Variants in RBFOX3 observed in about 807,000 individuals in gnomAD.
RBFOX3 encodes the protein RNA binding fox-1 homolog 3.
Under a neutral mutation model 48.7 loss-of-function variants are expected in RBFOX3, and 17 were observed. The observed-to-expected ratio is 0.35, with a 90% CI of 0.24 to 0.52. The LOEUF is 0.52. Among genes scored for constraint, RBFOX3 ranks in the 20% least tolerant of loss-of-function variants. RBFOX3 has a pLI of 0.94. For missense variants in RBFOX3, 382 were observed against 497.5 expected (o/e 0.77, Z 2.21); for synonymous variants, 212 against 209.5 (o/e 1.01, Z -0.10).
chr17:79,532,783 C>T (rs966513444), intron 1 of RBFOX3, among the ~76,000 whole-genome samples: 6 of 152,208 alleles, frequency 3.9e-5, no homozygotes, highest in African/African-American at 9.6e-5. Context: ...CCACAGGGAC[C>T]GATTCCTGCC....
intron 2 of RBFOX3, among the ~76,000 whole-genome samples, chr17:79,397,362 G>A (rs964606812): frequency 1.3e-5 from 2 of 151,832 alleles, no homozygotes; most frequent in South Asian, 2.1e-4. Context: ...GCCTGGTGGC[G>A]CACACCTGTA....
In RBFOX3 at chr17:79,582,017, TGC is replaced by T. The variant is rs2093077566; in HGVS notation, c.-320+28807_-320+28808del. Among the ~76,000 whole-genome samples, 151 of 147,886 alleles carry T rather than the reference TGC, an allele frequency of 1.0e-3. 2 individuals carry two copies. The highest frequency in any genetic ancestry group is 1.5e-3 in the Non-Finnish European group (98 of 67,356). On this transcript the variant is annotated intron_variant, in intron 1 of 14. Transcript: ENST00000693108. ...ACGTGCCTGCCCGTGTATGTGCCTG[TGC>T]GTGCCTGTGCGTGCCTGTGTATGCA...
intron 4 of RBFOX3, among the ~76,000 whole-genome samples, chr17:79,156,455 C>A (rs1048075307): frequency 6.6e-6 from 1 of 152,162 alleles, no homozygotes; most frequent in African/African-American, 2.4e-5. Context: ...CAGGGGAGAA[C>A]CTCGCCTGAG....
At chr17:79,308,959 A>G (rs1205084692) in intron 2 of RBFOX3, among the ~76,000 whole-genome samples, 1 of 152,030 alleles carries the variant, frequency 6.6e-6, no homozygotes, top group African/African-American at 2.4e-5. Context: ...TCTCTACTAA[A>G]AATACAAAAG....
chr17:79,341,565 TG>T (rs1267390160), intron 2 of RBFOX3, among the ~76,000 whole-genome samples: 9 of 152,042 alleles, frequency 5.9e-5, no homozygotes, highest in African/African-American at 2.2e-4. Context: ...TGGCTGGGGC[TG>T]GGGCACGGCT....
chr17:79,177,956 C>A (rs774243568), intron 4 of RBFOX3, among the ~76,000 whole-genome samples: 2 of 152,220 alleles, frequency 1.3e-5, no homozygotes, highest in Admixed American at 6.5e-5. Flanking sequence ...TGGACAGAGA[C>A]GGCCCCCAGG....
At chr17:79,372,119 A>G (rs1213821600) in intron 2 of RBFOX3, among the ~76,000 whole-genome samples, 3 of 152,022 alleles carry the variant, frequency 2.0e-5, no homozygotes, top group Non-Finnish European at 4.4e-5. Flanking sequence ...GACTGTGGCC[A>G]CGGCAGCCCT....
chr17:79,217,677 G>C (rs941530135), intron 4 of RBFOX3, among the ~76,000 whole-genome samples: 2 of 151,954 alleles, frequency 1.3e-5, no homozygotes, highest in Non-Finnish European at 2.9e-5. Flanking sequence ...GGTGGTGACA[G>C]CTAAGCTGCC....
rs146488474 is a variant in RBFOX3 at position 79,436,313 on chromosome 17, C to T, written c.-175+46141G>A. Among the ~76,000 whole-genome samples the T allele has an allele frequency of 1.1e-3, 167 of 152,370 alleles. 1 individual carries two copies. Among genetic ancestry groups the T allele is most frequent in the Admixed American group, 1.4e-3 (21 of 15,308 alleles). ...AGACCAGGGCAGGGGAAGGTCATTCCGAAACACACATGCTTGTGTGTGCAC... is the reference window on the plus strand; with the variant it reads ...AGACCAGGGCAGGGGAAGGTCATTCTGAAACACACATGCTTGTGTGTGCAC... On this transcript the variant is annotated intron_variant, in intron 2 of 14. Transcript: ENST00000693108.
At chr17:79,226,450 G>T (rs2060320701) in intron 4 of RBFOX3, among the ~76,000 whole-genome samples, 2 of 152,218 alleles carry the variant, frequency 1.3e-5, no homozygotes, top group Admixed American at 1.3e-4. Flanking sequence ...TATTCACGGG[G>T]AGGTGGGGAT....
intron 4 of RBFOX3, among the ~76,000 whole-genome samples, chr17:79,196,042 A>C (rs1252201302): frequency 1.3e-5 from 2 of 152,288 alleles, no homozygotes; most frequent in East Asian, 3.9e-4. Flanking sequence ...CTGAAGGCAG[A>C]GGGAAGGAAG....
rs114842504 is a variant in RBFOX3 at position 79,340,528 on chromosome 17, C to T, written c.-174-32704G>A. 8.3e-3 allele frequency among the ~76,000 whole-genome samples: 1,264 copies of T among 152,260 alleles called. 29 individuals carry two copies. Among genetic ancestry groups the T allele is most frequent in the African/African-American group, 0.029 (1,190 of 41,556 alleles). On this transcript the variant is annotated intron_variant, in intron 2 of 14. Coordinates refer to ENST00000693108, the MANE Select transcript of RBFOX3 (RefSeq NM_001350451.2). Reference sequence around the variant, plus strand: ...GTTCCCCTCCACACCTCCCCAGCTGCATGGGGCAGAGTGACTTCACTGCAC... The same window carrying T: ...GTTCCCCTCCACACCTCCCCAGCTGTATGGGGCAGAGTGACTTCACTGCAC...
Position 79,161,429 on chromosome 17 carries a change from C to T in RBFOX3, c.-33-45681G>A, listed in dbSNP as rs575240211. Among the ~76,000 whole-genome samples the T allele has an allele frequency of 1.1e-4, 17 of 152,332 alleles. No homozygotes were observed. The South Asian group carries it at 3.3e-3, about 30-fold the overall frequency. ...CATCACTTCCGTCTCCGCATACCAG[C>T]TGGGGATGCTGCTCCAGGAAGTGAC... On this transcript the variant is annotated intron_variant, in intron 4 of 14. Transcript: ENST00000693108.
chr17:79,218,527 C>CT (rs2059340603), intron 4 of RBFOX3, among the ~76,000 whole-genome samples: 1 of 152,180 alleles, frequency 6.6e-6, no homozygotes, highest in South Asian at 2.1e-4. Flanking sequence ...AGAGCCCCTG[C>CT]TGGGGAGAGG....
In RBFOX3 at chr17:79,304,372, A is replaced by G. The variant is rs181862010; in HGVS notation, c.-74+3352T>C. On this transcript the variant is annotated intron_variant, in intron 3 of 14. Coordinates refer to ENST00000693108, the MANE Select transcript of RBFOX3 (RefSeq NM_001350451.2). ...TACACACACGTAAATATATAGGTAT[A>G]TATGTACATATATTTGTATATAATG... Among the ~76,000 whole-genome samples, 12 of 150,884 alleles carry G rather than the reference A, an allele frequency of 8.0e-5. 1 individual carries two copies. The East Asian group carries it at 2.1e-3, about 27-fold the overall frequency.
At chr17:79,102,458 C>T (rs961926864) in intron 8 of RBFOX3, among the ~76,000 whole-genome samples, 1 of 152,200 alleles carries the variant, frequency 6.6e-6, no homozygotes, top group Admixed American at 6.5e-5. Flanking sequence ...TGGTGGCTGG[C>T]CCCAGCCCTC....
intron 1 of RBFOX3, among the ~76,000 whole-genome samples, chr17:79,531,946 A>T (rs931159393): frequency 1.3e-5 from 2 of 152,122 alleles, no homozygotes; most frequent in Non-Finnish European, 2.9e-5. Context: ...CCTGCAGCAA[A>T]CCCTGCAAGA....
chr17:79,346,034 C>T lies in RBFOX3; in HGVS notation c.-174-38210G>A, dbSNP rs150168797. ...CTCCCGGGTTCAAGCAATTCTCCTGCCTTAGCCTCCCAAGTAGCTGGGATT... is the reference window on the plus strand; with the variant it reads ...CTCCCGGGTTCAAGCAATTCTCCTGTCTTAGCCTCCCAAGTAGCTGGGATT... On this transcript the variant is annotated intron_variant, in intron 2 of 14. Transcript: ENST00000693108. 5.5e-4 allele frequency among the ~76,000 whole-genome samples: 83 copies of T among 152,234 alleles called. 1 individual carries two copies. The East Asian group carries it at 0.015, about 28-fold the overall frequency.
chr17:79,547,358 G>A lies in RBFOX3; in HGVS notation c.-320+63468C>T, dbSNP rs370985975. ...TAATCCCAGCTACTCGGGAGGCCGAGGCAGGAGAATTGCTTGAATCCCAGA... is the reference window on the plus strand; with the variant it reads ...TAATCCCAGCTACTCGGGAGGCCGAAGCAGGAGAATTGCTTGAATCCCAGA... On this transcript the variant is annotated intron_variant, in intron 1 of 14. Transcript: ENST00000693108. Among the ~76,000 whole-genome samples, 23 of 152,304 alleles carry A rather than the reference G, an allele frequency of 1.5e-4. No homozygotes were observed. The East Asian group carries it at 3.1e-3, about 20-fold the overall frequency.
Sources: allele counts gnomAD v4.1 joint callset (sites outside exome capture counted in the v4.1 genomes callset), GRCh38; gene constraint gnomAD v4.1.1; transcripts MANE v1.5; gene names NCBI Gene and HGNC (gene_info 2026-07-23, HGNC 2026-07-21).